Variants in SNX10 observed in about 807,000 individuals in gnomAD.
The protein encoded by SNX10 is sorting nexin 10, also known as sorting nexin-10.
In SNX10, 25 loss-of-function variants were observed where a neutral mutation model predicts 28.5. The observed-to-expected ratio is 0.88, with a 90% CI of 0.64 to 1.22. The LOEUF is 1.22. Ranked by LOEUF, SNX10 falls within the 50% of genes most tolerant of loss-of-function variation. The pLI is 0.00. For synonymous variants in SNX10, 62 were observed against 81.4 expected (o/e 0.76, Z 1.28); for missense variants, 223 against 242.6 (o/e 0.92, Z 0.54).
chr7:26,336,059 G>C (rs1438138253), intron 1 of SNX10, among the ~76,000 whole-genome samples: 2 of 152,156 alleles, frequency 1.3e-5, no homozygotes, highest in East Asian at 3.9e-4. Context: ...TGAAAGTAAG[G>C]AGTCAGTGAT....
intron 1 of SNX10, among the ~76,000 whole-genome samples, chr7:26,325,306 A>AATAT (rs149785859): frequency 0.018 from 906 of 51,366 alleles, 131 homozygotes; most frequent in African/African-American, 0.043. Context: ...AAGTTTGCAA[A>AATAT]ATATATATAT....
chr7:26,310,059 G>A (rs2127996955), intron 1 of SNX10, among the ~76,000 whole-genome samples: 1 of 152,276 alleles, frequency 6.6e-6, no homozygotes, highest in African/African-American at 2.4e-5. Flanking sequence ...CAGTCCAGTG[G>A]AGTTAGTTTA....
intron 2 of SNX10, chr7:26,356,961 G>A: frequency 1.8e-6 from 1 of 569,964 alleles, no homozygotes; most frequent in Non-Finnish European, 2.4e-6. Flanking sequence ...AATTTCAAGT[G>A]AAGTTTGATT....
At chr7:26,316,176 T>G (rs1016974419) in intron 1 of SNX10, among the ~76,000 whole-genome samples, 1 of 143,436 alleles carries the variant, frequency 7.0e-6, no homozygotes, top group African/African-American at 2.7e-5. Context: ...AGAGCGAGAC[T>G]GTCTCAAAAA....
chr7:26,323,576 G>T (rs1299693253), intron 1 of SNX10, among the ~76,000 whole-genome samples: 1 of 152,202 alleles, frequency 6.6e-6, no homozygotes, highest in African/African-American at 2.4e-5. Context: ...GGTTGGGGAA[G>T]AGGGGCCTTG....
chr7:26,325,306 A>AATATATATATAT (rs149785859), intron 1 of SNX10, among the ~76,000 whole-genome samples: 998 of 51,346 alleles, frequency 0.019, 124 homozygotes, highest in African/African-American at 0.04. Context: ...AAGTTTGCAA[A>AATATATATATAT]ATATATATAT....
At chr7:26,341,389 T>C (rs1432094270) in intron 1 of SNX10, among the ~76,000 whole-genome samples, 2 of 152,080 alleles carry the variant, frequency 1.3e-5, no homozygotes, top group East Asian at 1.9e-4. Context: ...GGGTTCTTCA[T>C]TGGTGGAAGA....
chr7:26,360,921 C>T, intron 2 of SNX10, 54 bp from the exon 3 acceptor site: 1 of 1,490,824 alleles, frequency 6.7e-7, no homozygotes, highest in Non-Finnish European at 9.1e-7. Context: ...TCAGTTCTTT[C>T]CAGTCCTACT....
chr7:26,351,625 C>G (rs961393832), intron 2 of SNX10, among the ~76,000 whole-genome samples: 5 of 144,082 alleles, frequency 3.5e-5, no homozygotes, highest in African/African-American at 1.3e-4. Flanking sequence ...TAGGTGAAAA[C>G]TAAAGCAATC....
intron 1 of SNX10, among the ~76,000 whole-genome samples, chr7:26,296,656 C>G (rs1048201428): frequency 6.6e-6 from 1 of 152,078 alleles, no homozygotes; most frequent in Non-Finnish European, 1.5e-5. Flanking sequence ...TAGATTTGTA[C>G]TTGTAGGCAA....
At chr7:26,343,516 G>T (rs1321708694) in intron 1 of SNX10, among the ~76,000 whole-genome samples, 3 of 152,214 alleles carry the variant, frequency 2.0e-5, no homozygotes, top group Admixed American at 2.0e-4. Flanking sequence ...GAGACAGAGG[G>T]TATCTAAACA....
intron 1 of SNX10, among the ~76,000 whole-genome samples, chr7:26,321,145 A>G (rs1310949503): frequency 6.6e-6 from 1 of 152,196 alleles, no homozygotes; most frequent in Admixed American, 6.5e-5. Flanking sequence ...CCTGTTTCAA[A>G]TGGAGCCATT....
chr7:26,297,843 A>G (rs1339130893), intron 1 of SNX10, among the ~76,000 whole-genome samples: 1 of 152,130 alleles, frequency 6.6e-6, no homozygotes, highest in Non-Finnish European at 1.5e-5. Context: ...GCCTTAGTAT[A>G]TGCTTATGGA....
At chr7:26,359,644 C>T (rs1373792626) in intron 2 of SNX10, among the ~76,000 whole-genome samples, 2 of 151,910 alleles carry the variant, frequency 1.3e-5, no homozygotes, top group South Asian at 2.1e-4. Context: ...TAGTAAAGAG[C>T]ACCTGTTAAA....
At chr7:26,371,776 G>A (rs775164347) in intron 5 of SNX10, 45 bp from the exon 6 acceptor site, 3 of 1,370,688 alleles carry the variant, frequency 2.2e-6, no homozygotes, top group Non-Finnish European at 3.1e-6. Flanking sequence ...CCCTATCACT[G>A]ACCATCCTGT....
At chr7:26,302,041 T>G (rs1786389810) in intron 1 of SNX10, among the ~76,000 whole-genome samples, 1 of 152,192 alleles carries the variant, frequency 6.6e-6, no homozygotes, top group South Asian at 2.1e-4. Flanking sequence ...GGTCATACGT[T>G]TTTTCCCTTA....
At chr7:26,341,904 TTC>T (rs1233818927) in intron 1 of SNX10, among the ~76,000 whole-genome samples, 2 of 151,638 alleles carry the variant, frequency 1.3e-5, no homozygotes, top group African/African-American at 2.4e-5. Context: ...CAATTTCTTT[TTC>T]TCTCTCTTTC....
At chr7:26,361,871 GATA>G (rs1789086240) in intron 3 of SNX10, among the ~76,000 whole-genome samples, 1 of 152,190 alleles carries the variant, frequency 6.6e-6, no homozygotes. Flanking sequence ...CGATTTTGAG[GATA>G]ATACTCTTTG....
intron 1 of SNX10, among the ~76,000 whole-genome samples, chr7:26,322,207 A>C (rs1458971807): frequency 6.6e-6 from 1 of 152,154 alleles, no homozygotes; most frequent in East Asian, 1.9e-4. Context: ...GGTTTTGGGG[A>C]ATGCTGAGTG....
Sources: allele counts gnomAD v4.1 joint callset (sites outside exome capture counted in the v4.1 genomes callset), GRCh38; gene constraint gnomAD v4.1.1; transcripts MANE v1.5; gene names NCBI Gene and HGNC (gene_info 2026-07-23, HGNC 2026-07-21).